RPH3A: variants seen among roughly 807,000 people sequenced by gnomAD.
RPH3A encodes rabphilin 3A.
RPH3A carries 48 observed loss-of-function variants against 102.2 expected under a neutral mutation model. The observed-to-expected ratio is 0.47, with a 90% CI of 0.37 to 0.60. RPH3A has a LOEUF of 0.60. RPH3A is among the 20% of genes least tolerant of loss of function. The probability of loss-of-function intolerance (pLI) is 0.00; values close to 1 mark genes in which losing one functional copy is unlikely to be tolerated. For synonymous variants in RPH3A, 310 were observed against 324.3 expected (o/e 0.96, Z 0.47); for missense variants, 781 against 910.1 (o/e 0.86, Z 1.83).
chr12:112,870,634 T>C (rs2042692810), intron 10 of RPH3A, among the ~76,000 whole-genome samples: 1 of 152,188 alleles, frequency 6.6e-6, no homozygotes, highest in Non-Finnish European at 1.5e-5. Context: ...TCAAAGCGGC[T>C]TCATTTCTTT....
chr12:112,834,034 T>C (rs1462777881), intron 3 of RPH3A, among the ~76,000 whole-genome samples: 2 of 152,196 alleles, frequency 1.3e-5, no homozygotes, highest in Non-Finnish European at 2.9e-5. Flanking sequence ...CATAAAAACA[T>C]GTGTATACCC....
chr12:112,698,425 T>G (rs2040368022), intron 1 of RPH3A, among the ~76,000 whole-genome samples: 1 of 152,236 alleles, frequency 6.6e-6, no homozygotes, highest in Non-Finnish European at 1.5e-5. Flanking sequence ...GTAGAACTTC[T>G]ATACTTTGAA....
intron 1 of RPH3A, among the ~76,000 whole-genome samples, chr12:112,713,400 T>C (rs573787223): frequency 1.1e-4 from 17 of 152,272 alleles, no homozygotes; most frequent in African/African-American, 3.9e-4. Context: ...CAATGTTATT[T>C]TCAAAAACCA....
chr12:112,782,649 C>T lies in RPH3A; in HGVS notation c.-139-9494C>T, dbSNP rs554790050. Among the ~76,000 whole-genome samples, 3 of 152,268 alleles carry T rather than the reference C, an allele frequency of 2.0e-5. No homozygotes were observed. The South Asian group carries it at 6.2e-4, about 32-fold the overall frequency. On this transcript the variant is annotated intron_variant, in intron 1 of 21. Coordinates refer to the RPH3A transcript ENST00000543106. The stretch of plus-strand genomic sequence containing the variant: ...GGGACTTTTCAGTATTTCTCTCTTC[C>T]CAGGGACTGTATTTATGAATGGAGT...
At chr12:112,718,881 C>T (rs1285352697) in intron 1 of RPH3A, among the ~76,000 whole-genome samples, 1 of 152,158 alleles carries the variant, frequency 6.6e-6, no homozygotes, top group East Asian at 1.9e-4. Flanking sequence ...CAGATCTGTG[C>T]CATGTGTTTG....
intron 1 of RPH3A, among the ~76,000 whole-genome samples, chr12:112,640,720 A>G (rs2039882832): frequency 6.6e-6 from 1 of 152,114 alleles, no homozygotes; most frequent in Admixed American, 6.6e-5. Flanking sequence ...CCCTTTGCAA[A>G]TCTCAATAAC....
intron 2 of RPH3A, among the ~76,000 whole-genome samples, chr12:112,825,472 A>G (rs2041851038): frequency 6.6e-6 from 1 of 152,060 alleles, no homozygotes; most frequent in South Asian, 2.1e-4. Context: ...CCCCCTAGAC[A>G]CGCCAATCTA....
intron 1 of RPH3A, among the ~76,000 whole-genome samples, chr12:112,615,301 C>T (rs955331506): frequency 6.6e-6 from 1 of 152,134 alleles, no homozygotes; most frequent in Non-Finnish European, 1.5e-5. Flanking sequence ...GATGGGCTGG[C>T]TTCCTGCCCC....
intron 1 of RPH3A, among the ~76,000 whole-genome samples, chr12:112,736,619 T>G (rs2040671444): frequency 6.6e-6 from 1 of 152,160 alleles, no homozygotes; most frequent in Non-Finnish European, 1.5e-5. Flanking sequence ...AGTGACCACC[T>G]CATGGGACTG....
chr12:112,840,190 A>T (rs2042119264), intron 4 of RPH3A, among the ~76,000 whole-genome samples: 2 of 151,994 alleles, frequency 1.3e-5, no homozygotes, highest in African/African-American at 2.4e-5. Context: ...AAATTTTTAA[A>T]TTTTTTTGAC....
chr12:112,740,615 A>G (rs1038200088), intron 1 of RPH3A, among the ~76,000 whole-genome samples: 1 of 152,194 alleles, frequency 6.6e-6, no homozygotes, highest in Non-Finnish European at 1.5e-5. Flanking sequence ...TCATCATGAA[A>G]CAGAAGCTCA....
chr12:112,774,606 A>G lies in RPH3A; in HGVS notation c.-139-17537A>G, dbSNP rs1361526589. Among the ~76,000 whole-genome samples the G allele has an allele frequency of 3.3e-5, 5 of 152,254 alleles. No homozygotes were observed. The East Asian group carries it at 7.7e-4, about 23-fold the overall frequency. On this transcript the variant is annotated intron_variant, in intron 1 of 21. Coordinates refer to the RPH3A transcript ENST00000543106. ...AAATCCTTTGTTGGCAGCCTTAAAA[A>G]GGAACGAGATCATGTCCTTTGCACA...
intron 1 of RPH3A, among the ~76,000 whole-genome samples, chr12:112,674,408 C>A (rs574028199): frequency 6.6e-6 from 1 of 152,302 alleles, no homozygotes; most frequent in South Asian, 2.1e-4. Flanking sequence ...GCCACCCTCA[C>A]CCCCAAGTCA....
intron 1 of RPH3A, among the ~76,000 whole-genome samples, chr12:112,712,311 A>T (rs1038979674): frequency 6.6e-6 from 1 of 152,164 alleles, no homozygotes; most frequent in Non-Finnish European, 1.5e-5. Flanking sequence ...GTTGATTTGG[A>T]TGAATTGATG....
chr12:112,893,397 C>T (rs1395397600), intron 19 of RPH3A: 1 of 152,172 alleles, frequency 6.6e-6, no homozygotes, highest in Non-Finnish European at 1.5e-5. Flanking sequence ...GGTAAAGTTA[C>T]GCTCATGTTT....
chr12:112,663,783 C>T (rs561597765), intron 1 of RPH3A, among the ~76,000 whole-genome samples: 172 of 152,302 alleles, frequency 1.1e-3, no homozygotes, highest in Non-Finnish European at 2.1e-3. Flanking sequence ...GCTACTGTCT[C>T]ACTTTTTCCA....
chr12:112,621,909 T>C lies in RPH3A; in HGVS notation c.-140+46590T>C, dbSNP rs7307072. Among the ~76,000 whole-genome samples, 874 of 150,264 alleles carry C rather than the reference T, an allele frequency of 5.8e-3. 4 individuals carry two copies. The highest frequency in any genetic ancestry group is 0.016 in the African/African-American group (668 of 40,732). ...AAGTGGGTCCCTGACCCCTGACCCC[T>C]GAGCAGCCTAACTGGGAGGCACCCC... On this transcript the variant is annotated intron_variant, in intron 1 of 21. Transcript: ENST00000543106.
At chr12:112,717,067 G>A (rs191246768) in intron 1 of RPH3A, among the ~76,000 whole-genome samples, 138 of 152,250 alleles carry the variant, frequency 9.1e-4, no homozygotes, top group Non-Finnish European at 1.7e-3. Flanking sequence ...CTATAACATA[G>A]CCCCATTTTC....
intron 1 of RPH3A, among the ~76,000 whole-genome samples, chr12:112,680,607 C>T (rs1210076077): frequency 6.6e-6 from 1 of 152,182 alleles, no homozygotes; most frequent in Non-Finnish European, 1.5e-5. Flanking sequence ...ATTCCCATCC[C>T]ACCACCTCTC....
Sources: allele counts gnomAD v4.1 joint callset (sites outside exome capture counted in the v4.1 genomes callset), GRCh38; gene constraint gnomAD v4.1.1; transcripts MANE v1.5; gene names NCBI Gene and HGNC (gene_info 2026-07-23, HGNC 2026-07-21).